Variants in SLCO5A1 observed in about 807,000 individuals in gnomAD.
SLCO5A1 encodes organic anion transporter polypeptide-related protein 4.
A neutral mutation model predicts 65.1 loss-of-function variants in SLCO5A1; 39 were observed. That is an observed-to-expected ratio of 0.60 (90% confidence interval 0.46 to 0.78). The LOEUF (loss-of-function observed/expected upper bound fraction) is 0.78. Among genes scored for constraint, SLCO5A1 ranks in the 30% least tolerant of loss-of-function variants. The probability of loss-of-function intolerance (pLI) is 0.00; values close to 1 mark genes in which losing one functional copy is unlikely to be tolerated. For missense variants in SLCO5A1, 1,029 were observed against 1,069.4 expected, an observed-to-expected ratio of 0.96 and a Z score of 0.53; for synonymous variants, 438 against 415.7, an observed-to-expected ratio of 1.05 and a Z score of -0.65.
intron 2 of SLCO5A1, among the ~76,000 whole-genome samples, chr8:69,786,676 A>C (rs1819052450): frequency 6.6e-6 from 1 of 152,216 alleles, no homozygotes; most frequent in African/African-American, 2.4e-5. Flanking sequence ...ACAACTTAAT[A>C]GTTGTTTTTG....
At chr8:69,782,616 T>C (rs1818844055) in intron 2 of SLCO5A1, among the ~76,000 whole-genome samples, 1 of 152,068 alleles carries the variant, frequency 6.6e-6, no homozygotes, top group African/African-American at 2.4e-5. Flanking sequence ...CCCTTTATTT[T>C]TGTTATCTGA....
At chr8:69,762,718 G>A (rs976483306) in intron 2 of SLCO5A1, among the ~76,000 whole-genome samples, 3 of 152,216 alleles carry the variant, frequency 2.0e-5, no homozygotes, top group African/African-American at 7.2e-5. Flanking sequence ...GCTGGATTCA[G>A]CTGAATTGAC....
At chr8:69,770,451 A>C (rs1339939145) in intron 2 of SLCO5A1, among the ~76,000 whole-genome samples, 1 of 152,112 alleles carries the variant, frequency 6.6e-6, no homozygotes, top group East Asian at 1.9e-4. Context: ...TTAATTAATT[A>C]GTTAATTAAA....
intron 2 of SLCO5A1, among the ~76,000 whole-genome samples, chr8:69,798,536 A>G (rs563212943): frequency 6.6e-6 from 1 of 152,286 alleles, no homozygotes; most frequent in East Asian, 1.9e-4. Context: ...TTAAATAACC[A>G]GATCTCATGA....
intron 5 of SLCO5A1, among the ~76,000 whole-genome samples, chr8:69,720,377 A>G (rs1023882871): frequency 6.6e-6 from 1 of 152,244 alleles, no homozygotes; most frequent in Non-Finnish European, 1.5e-5. Context: ...ATATTATACT[A>G]GGAAGTCTTC....
At chr8:69,714,250 A>G (rs1815411303) in intron 5 of SLCO5A1, among the ~76,000 whole-genome samples, 1 of 152,218 alleles carries the variant, frequency 6.6e-6, no homozygotes, top group Admixed American at 6.5e-5. Flanking sequence ...AAGGCAGAGA[A>G]CAAACTTTTT....
intron 4 of SLCO5A1, among the ~76,000 whole-genome samples, chr8:69,740,207 C>T (rs1563693822): frequency 1.3e-5 from 2 of 152,230 alleles, no homozygotes; most frequent in African/African-American, 4.8e-5. Context: ...CTTTCTCATT[C>T]TCCTTTACTG....
intron 2 of SLCO5A1, among the ~76,000 whole-genome samples, chr8:69,813,096 G>A (rs557063262): frequency 2.7e-4 from 41 of 152,150 alleles, no homozygotes; most frequent in Non-Finnish European, 4.3e-4. Flanking sequence ...TTGTTGGTCC[G>A]TCATTACACA....
chr8:69,800,947 C>T (rs879389272), intron 2 of SLCO5A1, among the ~76,000 whole-genome samples: 1 of 152,202 alleles, frequency 6.6e-6, no homozygotes, highest in African/African-American at 2.4e-5. Context: ...AAGTACATTC[C>T]TACCCTGGGC....
At chr8:69,713,065 T>G (rs1412628636) in intron 5 of SLCO5A1, among the ~76,000 whole-genome samples, 1 of 152,188 alleles carries the variant, frequency 6.6e-6, no homozygotes, top group Non-Finnish European at 1.5e-5. Context: ...AGCAAAAGCT[T>G]AAACTGCCAA....
chr8:69,715,656 C>G (rs562950655), intron 5 of SLCO5A1, among the ~76,000 whole-genome samples: 1 of 152,162 alleles, frequency 6.6e-6, no homozygotes, highest in Non-Finnish European at 1.5e-5. Context: ...CTGAACTATA[C>G]CTATTAGAGT....
At chr8:69,707,801 A>T (rs1343433466) in intron 5 of SLCO5A1, among the ~76,000 whole-genome samples, 1 of 152,150 alleles carries the variant, frequency 6.6e-6, no homozygotes, top group Admixed American at 6.6e-5. Context: ...AGGAAGGATG[A>T]CTGCATGACA....
At chr8:69,687,302 T>G (rs996848949) in intron 6 of SLCO5A1, among the ~76,000 whole-genome samples, 2 of 151,998 alleles carry the variant, frequency 1.3e-5, no homozygotes, top group Admixed American at 6.6e-5. Context: ...CGAAGGAGAG[T>G]AAGACTAATC....
rs756154288 is a variant in SLCO5A1, at chr8:69,669,499, G to A, written c.*3370C>T. On this transcript the variant is annotated 3_prime_UTR_variant, in exon 10 of 10. Transcript: ENST00000260126. Reference sequence around the variant, plus strand: ...GAGTTATTTTACTTCTCTGAGTCTTGGTTTCATATGTTTTTTAAAAAAATA... The same window carrying A: ...GAGTTATTTTACTTCTCTGAGTCTTAGTTTCATATGTTTTTTAAAAAAATA... 17 of 152,006 alleles carry A rather than the reference G, an allele frequency of 1.1e-4. No homozygotes were observed. The highest frequency in any genetic ancestry group is 3.3e-4 in the Admixed American group (5 of 15,266). The allele number at this position is 152,006 out of a possible 1,614,324, so 9.4% of individuals were successfully genotyped here.
intron 5 of SLCO5A1, 108 bp downstream of exon 5, chr8:69,737,932 A>T: frequency 8.5e-7 from 1 of 1,181,804 alleles, no homozygotes; most frequent in Non-Finnish European, 1.2e-6. Flanking sequence ...GGTAGCTGTT[A>T]ATGAACTAGC....
At chr8:69,801,889 C>T (rs181063114) in intron 2 of SLCO5A1, among the ~76,000 whole-genome samples, 4 of 152,220 alleles carry the variant, frequency 2.6e-5, no homozygotes, top group Non-Finnish European at 4.4e-5. Flanking sequence ...AATGCAAGAG[C>T]AAAGTCTCAA....
chr8:69,709,701 T>C (rs2933049), intron 5 of SLCO5A1, among the ~76,000 whole-genome samples: 2 of 152,130 alleles, frequency 1.3e-5, no homozygotes, highest in African/African-American at 2.4e-5. Flanking sequence ...GTTTCTTTTC[T>C]GTATAATTGA....
intron 8 of SLCO5A1, 61 bp downstream of exon 8, chr8:69,679,317 A>G: frequency 6.2e-7 from 1 of 1,600,748 alleles, no homozygotes; most frequent in Non-Finnish European, 8.5e-7. Context: ...CTTGTCCTGG[A>G]TTATGTGCTC....
chr8:69,802,822 T>C (rs1181240288), intron 2 of SLCO5A1, among the ~76,000 whole-genome samples: 1 of 152,214 alleles, frequency 6.6e-6, no homozygotes, highest in African/African-American at 2.4e-5. Flanking sequence ...TTTTTCTTCA[T>C]AGCCCTTATA....
Sources: gnomAD v4.1 joint callset for allele counts (sites outside exome capture counted in the v4.1 genomes callset) on GRCh38, gnomAD v4.1.1 for gene constraint, MANE v1.5 for transcripts, NCBI Gene and HGNC (gene_info 2026-07-23, HGNC 2026-07-21) for gene names.